The following LCLAT1 variants were observed in gnomAD, a reference collection of about 807,000 sequenced individuals.
The protein encoded by LCLAT1 is 1-AGP acyltransferase 8.
A neutral mutation model predicts 30.7 loss-of-function variants in LCLAT1; 11 were observed. That is an observed-to-expected ratio of 0.36 (90% CI 0.23 to 0.59). The LOEUF is 0.59. LCLAT1 is among the 20% of genes least tolerant of loss of function. The probability of loss-of-function intolerance (pLI) is 0.77; values close to 1 mark genes in which losing one functional copy is unlikely to be tolerated. For synonymous variants in LCLAT1, 155 were observed against 151.3 expected (o/e 1.02, Z -0.18); for missense variants, 402 against 458.6 (o/e 0.88, Z 1.13).
chr2:30,636,234 G>A (rs1160838006), intron 5 of LCLAT1, among the ~76,000 whole-genome samples: 2 of 152,168 alleles, frequency 1.3e-5, no homozygotes, highest in Non-Finnish European at 2.9e-5. Context: ...TATTTGTGTT[G>A]AGTAGGAAAG....
At chr2:30,600,956 A>T (rs984237042) in intron 5 of LCLAT1, among the ~76,000 whole-genome samples, 2 of 151,888 alleles carry the variant, frequency 1.3e-5, no homozygotes, top group Admixed American at 6.6e-5. Flanking sequence ...ATATAATCCC[A>T]TAGTTCTTGG....
intron 1 of LCLAT1, among the ~76,000 whole-genome samples, chr2:30,471,302 C>T (rs528333162): frequency 4.6e-5 from 7 of 152,094 alleles, no homozygotes; most frequent in Non-Finnish European, 7.4e-5. Context: ...CTCCGCCTCC[C>T]GGGTTCAAGC....
At chr2:30,581,713 C>G (rs1666219833) in intron 5 of LCLAT1, among the ~76,000 whole-genome samples, 1 of 152,068 alleles carries the variant, frequency 6.6e-6, no homozygotes, top group Non-Finnish European at 1.5e-5. Flanking sequence ...AAAAGTTGAT[C>G]TCATAGGAGT....
intron 1 of LCLAT1, among the ~76,000 whole-genome samples, chr2:30,453,141 GTA>G (rs1215499116): frequency 6.6e-6 from 1 of 152,154 alleles, no homozygotes; most frequent in Non-Finnish European, 1.5e-5. Context: ...TTATATAAGC[GTA>G]TATAGTTCAT....
chr2:30,506,986 A>T (rs1684695474), intron 1 of LCLAT1, among the ~76,000 whole-genome samples: 1 of 152,180 alleles, frequency 6.6e-6, no homozygotes, highest in East Asian at 1.9e-4. Flanking sequence ...CAGATTGCAG[A>T]ATAATCTCAG....
chr2:30,506,840 A>G (rs996796440), intron 1 of LCLAT1, among the ~76,000 whole-genome samples: 8 of 152,176 alleles, frequency 5.3e-5, no homozygotes, highest in Admixed American at 2.6e-4. Flanking sequence ...GCATCTATCC[A>G]TAGATTTAAA....
intron 1 of LCLAT1, among the ~76,000 whole-genome samples, chr2:30,513,830 C>T (rs1163373978): frequency 1.3e-5 from 2 of 152,188 alleles, no homozygotes; most frequent in African/African-American, 4.8e-5. Context: ...CTCCCTGCTT[C>T]GAGTTGTCCC....
chr2:30,588,696 G>A (rs1033849717), intron 5 of LCLAT1, among the ~76,000 whole-genome samples: 1 of 152,092 alleles, frequency 6.6e-6, no homozygotes, highest in Non-Finnish European at 1.5e-5. Flanking sequence ...CGTCTCCCGG[G>A]TTCAAACAAT....
chr2:30,633,856 A>G (rs1006340225), intron 5 of LCLAT1, among the ~76,000 whole-genome samples: 2 of 152,228 alleles, frequency 1.3e-5, no homozygotes, highest in African/African-American at 4.8e-5. Flanking sequence ...TGAGCAAACC[A>G]GGATTTCTTC....
intron 5 of LCLAT1, among the ~76,000 whole-genome samples, chr2:30,598,970 CTTT>C (rs954642694): frequency 6.9e-6 from 1 of 144,038 alleles, no homozygotes; most frequent in East Asian, 2.0e-4. Flanking sequence ...GAGTGAGTTT[CTTT>C]TTTTTTTTCT....
Position 30,585,424 on chromosome 2 carries a change from C to T in LCLAT1, c.628+17248C>T, listed in dbSNP as rs1666390916. ...GGGGAGACTTAGCACCTGGCTCAGT[C>T]TTCCATTCCCTCTCTAGTCTAGCCA... is the stretch of plus-strand genomic sequence containing the variant. On this transcript the variant is annotated intron_variant, in intron 5 of 5. Coordinates refer to ENST00000379509, the MANE Select transcript of LCLAT1 (RefSeq NM_001002257.3). Among the ~76,000 whole-genome samples the T allele has an allele frequency of 3.3e-5, 5 of 152,288 alleles. No individual in the cohort carries two copies. The South Asian group carries it at 1.0e-3, about 32-fold the overall frequency.
Position 30,489,855 on chromosome 2 carries a change from A to G in LCLAT1, c.-4-35732A>G, listed in dbSNP as rs1221226477. 2.6e-5 allele frequency among the ~76,000 whole-genome samples: 4 copies of G among 152,344 alleles called. No individual in the cohort carries two copies. In the East Asian group the frequency reaches 5.8e-4, roughly 22 times the overall value. ...AGCAACCCACCATTACACTTAAAACATGCAAAAAACTGGTTACGCTCTTAA... is the reference window on the plus strand; with the variant it reads ...AGCAACCCACCATTACACTTAAAACGTGCAAAAAACTGGTTACGCTCTTAA... On this transcript the variant is annotated intron_variant, in intron 1 of 5. Coordinates refer to ENST00000379509, the MANE Select transcript of LCLAT1 (RefSeq NM_001002257.3).
At position 30,533,921 on chromosome 2, in the gene LCLAT1, C is replaced by G. The variant is rs140743352; in HGVS notation, c.364+607C>G. Reference sequence around the variant, plus strand: ...ACATTGCATGTTAAAAATAAATGGCCTCCTTTCTCAACTTGCTACTTAATG... The same window carrying G: ...ACATTGCATGTTAAAAATAAATGGCGTCCTTTCTCAACTTGCTACTTAATG... On this transcript the variant is annotated intron_variant, in intron 3 of 5. Coordinates refer to ENST00000379509, the MANE Select transcript of LCLAT1 (RefSeq NM_001002257.3). Among the ~76,000 whole-genome samples the G allele has an allele frequency of 3.5e-3, 537 of 152,230 alleles. 1 individual carries two copies. Among genetic ancestry groups the G allele is most frequent in the African/African-American group, 0.011 (466 of 41,546 alleles).
chr2:30,591,596 T>C (rs568686963), intron 5 of LCLAT1, among the ~76,000 whole-genome samples: 5 of 152,316 alleles, frequency 3.3e-5, no homozygotes, highest in African/African-American at 1.2e-4. Context: ...ATGTGTGTTA[T>C]ATTACTGATA....
chr2:30,467,693 G>A (rs1162943094), intron 1 of LCLAT1, among the ~76,000 whole-genome samples: 1 of 152,224 alleles, frequency 6.6e-6, no homozygotes, highest in East Asian at 1.9e-4. Context: ...GGCCAGTGAT[G>A]ATGAGCATTT....
At chr2:30,557,283 CGTGTGTGTGTGTGTGTGT>C (rs373793652) in intron 3 of LCLAT1, among the ~76,000 whole-genome samples, 6 of 138,646 alleles carry the variant, frequency 4.3e-5, no homozygotes, top group South Asian at 2.4e-4. Flanking sequence ...AAGGTATGAT[CGTGTGTGTGTGTGTGTGT>C]GTGTGTGTGT....
chr2:30,610,202 G>A (rs1227963009), intron 5 of LCLAT1, among the ~76,000 whole-genome samples: 1 of 149,462 alleles, frequency 6.7e-6, no homozygotes, highest in African/African-American at 2.5e-5. Flanking sequence ...TTTTTTTTTA[G>A]GTTTCCTTAA....
chr2:30,567,533 C>T (rs1334795014), intron 4 of LCLAT1, among the ~76,000 whole-genome samples: 7 of 152,096 alleles, frequency 4.6e-5, no homozygotes, highest in African/African-American at 1.7e-4. Flanking sequence ...GGCATGGAGG[C>T]CCTGTGGAAC....
chr2:30,467,168 C>T (rs1447072710), intron 1 of LCLAT1, among the ~76,000 whole-genome samples: 1 of 152,126 alleles, frequency 6.6e-6, no homozygotes, highest in Non-Finnish European at 1.5e-5. Flanking sequence ...CAATTCCCAC[C>T]TATGAGTGAG....
Sources: allele counts gnomAD v4.1 joint callset (sites outside exome capture counted in the v4.1 genomes callset), GRCh38; gene constraint gnomAD v4.1.1; transcripts MANE v1.5; gene names NCBI Gene and HGNC (gene_info 2026-07-23, HGNC 2026-07-21).